Variants in RSBN1L observed in about 807,000 individuals in gnomAD.
The protein encoded by RSBN1L is lysine-specific demethylase RSBN1L.
In RSBN1L, 30 loss-of-function variants were observed where a neutral mutation model predicts 67.7. That is an observed-to-expected ratio of 0.44 (90% confidence interval 0.33 to 0.60). RSBN1L has a LOEUF of 0.60. Among genes scored for constraint, RSBN1L ranks in the 20% least tolerant of loss-of-function variants. RSBN1L has a pLI of 0.02. For missense variants in RSBN1L, 992 were observed against 1,031.7 expected, an observed-to-expected ratio of 0.96 and a Z score of 0.53; for synonymous variants, 433 against 387.0, an observed-to-expected ratio of 1.12 and a Z score of -1.39.
intron 1 of RSBN1L, among the ~76,000 whole-genome samples, chr7:77,735,939 G>A (rs1791328262): frequency 6.6e-6 from 1 of 152,046 alleles, no homozygotes; most frequent in Non-Finnish European, 1.5e-5. Flanking sequence ...CAGGCTCTAT[G>A]TAGTCATTTT....
At chr7:77,699,827 G>A (rs1790790809) in intron 1 of RSBN1L, among the ~76,000 whole-genome samples, 1 of 149,228 alleles carries the variant, frequency 6.7e-6, no homozygotes, top group Non-Finnish European at 1.5e-5. Context: ...ACAGAGTCTC[G>A]CTCTTGTTGG....
chr7:77,746,463 C>T (rs934556809), intron 2 of RSBN1L, among the ~76,000 whole-genome samples: 2 of 152,292 alleles, frequency 1.3e-5, no homozygotes, highest in South Asian at 2.1e-4. Flanking sequence ...TACCAGGCCC[C>T]ACCTTCAATT....
In RSBN1L at chr7:77,781,195, CT is replaced by C. The variant is rs1791993463; in HGVS notation, c.*2029del. On this transcript the variant is annotated 3_prime_UTR_variant, in exon 8 of 8. Transcript: ENST00000334955. ...AGGATAGGCAAATATCATAGGAAATCTTCATGGTTTGTAGGAAATCAGTGTT... is the reference window on the plus strand; with the variant it reads ...AGGATAGGCAAATATCATAGGAAATCTCATGGTTTGTAGGAAATCAGTGTT... 1 of 152,258 alleles carries C rather than the reference CT, an allele frequency of 6.6e-6. No individual in the cohort carries two copies. Among genetic ancestry groups the C allele is most frequent in the South Asian group, 2.1e-4 (1 of 4,832 alleles). 9.4% of individuals were successfully genotyped at this position (152,258 alleles called of 1,614,324 possible).
At chr7:77,745,410 G>A (rs1791469103) in intron 2 of RSBN1L, among the ~76,000 whole-genome samples, 1 of 152,184 alleles carries the variant, frequency 6.6e-6, no homozygotes, top group Non-Finnish European at 1.5e-5. Flanking sequence ...GGGATATAAT[G>A]ATGGAAAAGG....
At chr7:77,758,211 T>C (rs990279024) in intron 3 of RSBN1L, among the ~76,000 whole-genome samples, 2 of 152,204 alleles carry the variant, frequency 1.3e-5, no homozygotes, top group African/African-American at 2.4e-5. Flanking sequence ...CAGGATGGAG[T>C]GCAGTGGTGC....
rs879392788 is a variant in RSBN1L, at chr7:77,719,822, T to TC, written c.587-16588_587-16587insC. ...CTCTGTTGCTCAGGTTGGAGTGCAG[T>TC]GGTGTGATCATGGCTCACTGCAGCC... On this transcript the variant is annotated intron_variant, in intron 1 of 7. Transcript: ENST00000334955. Among the ~76,000 whole-genome samples, 20 of 152,312 alleles carry TC rather than the reference T, an allele frequency of 1.3e-4. No individual in the cohort carries two copies. The South Asian group carries it at 4.1e-3, about 32-fold the overall frequency.
At chr7:77,737,504 T>C (rs1281810700) in intron 2 of RSBN1L, among the ~76,000 whole-genome samples, 1 of 152,260 alleles carries the variant, frequency 6.6e-6, no homozygotes, top group African/African-American at 2.4e-5. Context: ...TTTTCTATTA[T>C]CTACATGTCA....
Position 77,749,506 on chromosome 7 carries a change from G to T in RSBN1L, c.786G>T (p.Glu262Asp). 6.2e-7 allele frequency: 1 copy of T among 1,605,564 alleles called. No homozygotes were observed. The highest frequency in any genetic ancestry group is 1.7e-4 in the Middle Eastern group (1 of 6,010). Reference sequence around the variant, plus strand: ...AGAAAAAGAAAAAGAAACACAAAGAGAATGAAAAACGGAAGCGTCCGAAAA... The same window carrying T: ...AGAAAAAGAAAAAGAAACACAAAGATAATGAAAAACGGAAGCGTCCGAAAA... ...VKKKKKKKHK[E>D]NEKRKRPKMY... is the part of the protein sequence containing the mutation. The change falls in exon 3 of 8, where the codon GAG (glutamate) becomes GAT (aspartate). Residue 262 changes from glutamate to aspartate, a missense_variant. Glu to Asp is a conservative substitution (Grantham distance 45). Coordinates refer to ENST00000334955, the MANE Select transcript of RSBN1L (RefSeq NM_198467.3).
chr7:77,709,539 C>T (rs1790945787), intron 1 of RSBN1L, among the ~76,000 whole-genome samples: 1 of 152,194 alleles, frequency 6.6e-6, no homozygotes, highest in Admixed American at 6.5e-5. Context: ...ATCCACCCAC[C>T]TTGGCCTCCC....
At chr7:77,707,073 G>C (rs549361549) in intron 1 of RSBN1L, among the ~76,000 whole-genome samples, 1 of 150,062 alleles carries the variant, frequency 6.7e-6, no homozygotes, top group Non-Finnish European at 1.5e-5. Context: ...ACCCAGGCTG[G>C]AGTGCAGTGG....
intron 1 of RSBN1L, among the ~76,000 whole-genome samples, chr7:77,716,821 G>A (rs1322029525): frequency 1.3e-5 from 2 of 151,550 alleles, no homozygotes; most frequent in Non-Finnish European, 2.9e-5. Context: ...TAGTAGAGAC[G>A]GGGTTTCACC....
chr7:77,740,903 G>A (rs1402778871), intron 2 of RSBN1L, among the ~76,000 whole-genome samples: 1 of 151,562 alleles, frequency 6.6e-6, no homozygotes, highest in African/African-American at 2.4e-5. Context: ...GTGTATCTGT[G>A]GTACTTTGTG....
chr7:77,765,659 G>T, intron 4 of RSBN1L, 27 bp downstream of exon 4: 1 of 1,507,536 alleles, frequency 6.6e-7, no homozygotes, highest in Admixed American at 2.2e-5. Flanking sequence ...CATGGGATTA[G>T]AGTTTTTTTT....
At chr7:77,740,306 A>G (rs1016059951) in intron 2 of RSBN1L, among the ~76,000 whole-genome samples, 10 of 151,978 alleles carry the variant, frequency 6.6e-5, no homozygotes, top group African/African-American at 7.2e-5. Context: ...TTTATTAATG[A>G]TAAAGTGTGA....
At position 77,780,925 on chromosome 7, in the gene RSBN1L, A is replaced by C. The variant is rs1791990245; in HGVS notation, c.*1757A>C. 3 of 152,318 alleles carry C rather than the reference A, an allele frequency of 2.0e-5. No homozygotes were observed. In the South Asian group the frequency reaches 6.2e-4, roughly 32 times the overall value. The allele number at this position is 152,318 out of a possible 1,614,324, so 9.4% of individuals were successfully genotyped here. On this transcript the variant is annotated 3_prime_UTR_variant, in exon 8 of 8. Coordinates refer to ENST00000334955, the MANE Select transcript of RSBN1L (RefSeq NM_198467.3). ...GCTGTAAGAAACTCTGCTCATTGCA[A>C]ATCTATTTTGTTTGTTTTTGGTATT...
At chr7:77,756,868 G>T (rs1241330204) in intron 3 of RSBN1L, among the ~76,000 whole-genome samples, 3 of 152,090 alleles carry the variant, frequency 2.0e-5, no homozygotes, top group Non-Finnish European at 4.4e-5. Flanking sequence ...ATATAGTAAT[G>T]CTATATGTGT....
chr7:77,767,105 C>T (rs1158405023), intron 4 of RSBN1L, among the ~76,000 whole-genome samples: 4 of 136,382 alleles, frequency 2.9e-5, no homozygotes, highest in Non-Finnish European at 6.2e-5. Context: ...CCTTTCCCTT[C>T]CTTTCTTTCG....
intron 1 of RSBN1L, among the ~76,000 whole-genome samples, chr7:77,720,919 G>A (rs578056922): frequency 6.6e-6 from 1 of 151,852 alleles, no homozygotes; most frequent in Non-Finnish European, 1.5e-5. Context: ...ACCTTGCCCG[G>A]CTACATTTTG....
At chr7:77,710,224 C>G (rs1032070767) in intron 1 of RSBN1L, among the ~76,000 whole-genome samples, 3 of 152,146 alleles carry the variant, frequency 2.0e-5, no homozygotes, top group African/African-American at 7.2e-5. Context: ...GAGTGATAAC[C>G]AGATATCTAA....
Sources: gnomAD v4.1 joint callset for allele counts (sites outside exome capture counted in the v4.1 genomes callset) on GRCh38, gnomAD v4.1.1 for gene constraint, MANE v1.5 for transcripts, NCBI Gene and HGNC (gene_info 2026-07-23, HGNC 2026-07-21) for gene names.